TANGO6: variants seen among roughly 807,000 people sequenced by gnomAD.
TANGO6 encodes transport and golgi organization 6 homolog, also known as transport and Golgi organization protein 6 homolog.
A neutral mutation model predicts 114.2 loss-of-function variants in TANGO6; 90 were observed. That is an observed-to-expected ratio of 0.79 (90% confidence interval 0.66 to 0.94). The LOEUF is 0.94. TANGO6 is among the 40% of genes least tolerant of loss of function. The probability of loss-of-function intolerance (pLI) is 0.00; values close to 1 mark genes in which losing one functional copy is unlikely to be tolerated. For missense variants in TANGO6, 1,274 were observed against 1,315.3 expected (o/e 0.97, Z 0.49); for synonymous variants, 477 against 509.8 (o/e 0.94, Z 0.87).
At chr16:69,046,204 C>T (rs1387311261) in intron 17 of TANGO6, among the ~76,000 whole-genome samples, 1 of 151,942 alleles carries the variant, frequency 6.6e-6, no homozygotes, top group Non-Finnish European at 1.5e-5. Context: ...AAATACAACC[C>T]AATATAAGTT....
intron 14 of TANGO6, chr16:68,973,736 G>C: frequency 2.5e-6 from 1 of 400,322 alleles, no homozygotes; most frequent in Non-Finnish European, 4.6e-6. Context: ...ATACAGGAAT[G>C]GAGAACTGCA....
At chr16:69,060,166 G>C (rs1362581636) in intron 17 of TANGO6, among the ~76,000 whole-genome samples, 2 of 152,080 alleles carry the variant, frequency 1.3e-5, no homozygotes, top group East Asian at 3.9e-4. Context: ...TTTATGAAAA[G>C]GCTTTTTTTT....
At position 69,022,831 on chromosome 16, in the gene TANGO6, A is replaced by T; in HGVS notation, c.2846A>T (p.Asp949Val). The T allele has an allele frequency of 6.3e-7, 1 of 1,575,688 alleles. No individual in the cohort carries two copies. Among genetic ancestry groups the T allele is most frequent in the Non-Finnish European group, 8.6e-7 (1 of 1,159,842 alleles). Residue 949 changes from aspartate (D) to valine (V), a missense_variant, in exon 16 of 18, where the codon GAC (aspartate) becomes GTC (valine). By Grantham distance (152) the Asp-to-Val change is radical. This residue lies in a region of TANGO6 where 238 missense variants were observed against 252.9 expected (regional missense o/e 0.94). Coordinates refer to ENST00000261778, the MANE Select transcript of TANGO6 (RefSeq NM_024562.2). Reference protein sequence around the residue: ...VLMRIVRALGDMVSKYREPLI... With the variant: ...VLMRIVRALGVMVSKYREPLI... Reference sequence around the variant, plus strand: ...GATTTCTTCCTTTTTCCTATAGGAGACATGGTCTCAAAGTACCGAGAACCT... The same window carrying T: ...GATTTCTTCCTTTTTCCTATAGGAGTCATGGTCTCAAAGTACCGAGAACCT...
At chr16:68,866,896 C>T (rs1395301761) in intron 3 of TANGO6, among the ~76,000 whole-genome samples, 183 bp from the exon 4 acceptor site, 1 of 151,682 alleles carries the variant, frequency 6.6e-6, no homozygotes, top group African/African-American at 2.4e-5. Context: ...GAGATTTTGC[C>T]ACTGCACTCC....
At chr16:68,961,928 C>T (rs1229081735) in intron 14 of TANGO6, among the ~76,000 whole-genome samples, 3 of 152,158 alleles carry the variant, frequency 2.0e-5, no homozygotes, top group African/African-American at 2.4e-5. Flanking sequence ...CACCCTTTAG[C>T]AGGATGCTTC....
At chr16:68,868,298 A>G (rs551052527) in intron 4 of TANGO6, among the ~76,000 whole-genome samples, 1 of 152,024 alleles carries the variant, frequency 6.6e-6, no homozygotes, top group African/African-American at 2.4e-5. Flanking sequence ...TAAGCATGGT[A>G]GTAGTTTTTA....
At position 68,930,230 on chromosome 16, in the gene TANGO6, G is replaced by A. The variant is rs1205011169; in HGVS notation, c.2644-8G>A. The A allele has an allele frequency of 1.9e-6, 3 of 1,551,708 alleles. No individual in the cohort carries two copies. The South Asian group carries it at 3.6e-5, about 18-fold the overall frequency. On this transcript the variant is annotated splice_polypyrimidine_tract_variant and splice_region_variant and intron_variant, in intron 13 of 17. Transcript: ENST00000261778. ...AAATCTTATCACTGCTGTATTTTGT[G>A]GTTCCAGATATTCTTGGAAAACTTG...
chr16:69,039,513 G>C (rs1377290339), intron 16 of TANGO6, among the ~76,000 whole-genome samples: 3 of 151,866 alleles, frequency 2.0e-5, no homozygotes, highest in African/African-American at 7.3e-5. Context: ...GCGCACACCT[G>C]TAGTCCTAGC....
chr16:68,868,910 C>G (rs568025952), intron 4 of TANGO6, among the ~76,000 whole-genome samples: 10 of 152,212 alleles, frequency 6.6e-5, no homozygotes, highest in Non-Finnish European at 1.5e-4. Context: ...ACACTGCCAT[C>G]ATTCCCCCAA....
chr16:69,059,579 G>T (rs953912365), intron 17 of TANGO6, among the ~76,000 whole-genome samples: 2 of 151,776 alleles, frequency 1.3e-5, no homozygotes, highest in African/African-American at 4.8e-5. Context: ...GAGTGTAATG[G>T]CATAATCTCT....
At chr16:69,064,200 TATATTAGCACATA>T (rs947253040) in intron 17 of TANGO6, among the ~76,000 whole-genome samples, 8 of 152,170 alleles carry the variant, frequency 5.3e-5, no homozygotes, top group Admixed American at 2.6e-4. Context: ...ATGCCATGCG[TATATTAGCACATA>T]ATACAAACCC....
At chr16:69,054,076 A>C (rs1288947358) in intron 17 of TANGO6, among the ~76,000 whole-genome samples, 1 of 152,156 alleles carries the variant, frequency 6.6e-6, no homozygotes, top group Non-Finnish European at 1.5e-5. Context: ...AAAGAAAAAA[A>C]AAAGAATCTT....
At chr16:69,071,047 C>G (rs1960292263) in intron 17 of TANGO6, among the ~76,000 whole-genome samples, 1 of 152,130 alleles carries the variant, frequency 6.6e-6, no homozygotes, top group Non-Finnish European at 1.5e-5. Context: ...AGTGTGATTA[C>G]AGGTGTGAGC....
intron 11 of TANGO6, among the ~76,000 whole-genome samples, chr16:68,916,400 C>T (rs1963006000): frequency 6.6e-6 from 1 of 152,122 alleles, no homozygotes; most frequent in Non-Finnish European, 1.5e-5. Context: ...ATCTAACTAA[C>T]ACCTGATGAT....
At chr16:68,972,322 G>A (rs913231476) in intron 14 of TANGO6, among the ~76,000 whole-genome samples, 1 of 152,100 alleles carries the variant, frequency 6.6e-6, no homozygotes, top group African/African-American at 2.4e-5. Flanking sequence ...CAGCAGATGC[G>A]GCGGATAAGG....
At chr16:68,852,004 ACT>A (rs1961909763) in intron 1 of TANGO6, among the ~76,000 whole-genome samples, 1 of 152,142 alleles carries the variant, frequency 6.6e-6, no homozygotes, top group South Asian at 2.1e-4. Context: ...AATGTTTTAT[ACT>A]CTTTGTTCAC....
chr16:68,975,991 T>C (rs1212210342), intron 15 of TANGO6, among the ~76,000 whole-genome samples: 6 of 151,852 alleles, frequency 4.0e-5, no homozygotes, highest in African/African-American at 1.5e-4. Context: ...TTGGAGTTCA[T>C]TGGCACGGTC....
intron 15 of TANGO6, among the ~76,000 whole-genome samples, chr16:68,986,057 A>G (rs1369725764): frequency 2.6e-5 from 4 of 152,190 alleles, no homozygotes; most frequent in Non-Finnish European, 1.5e-5. Context: ...TCCCTGGAAG[A>G]GCAACTCAGA....
chr16:68,844,665 T>C (rs1329928612), intron 1 of TANGO6, among the ~76,000 whole-genome samples: 2 of 152,144 alleles, frequency 1.3e-5, no homozygotes, highest in Non-Finnish European at 2.9e-5. Context: ...TTACTAATAT[T>C]AGTAAATGAG....
Sources: gnomAD v4.1 joint callset for allele counts (sites outside exome capture counted in the v4.1 genomes callset) on GRCh38, gnomAD v4.1.1 for gene constraint, gnomAD v4.1.1 regional missense constraint, MANE v1.5 for transcripts, NCBI Gene and HGNC (gene_info 2026-07-23, HGNC 2026-07-21) for gene names.